CAVIN2: variants seen among roughly 807,000 people sequenced by gnomAD.
CAVIN2 encodes caveolae associated protein 2.
In CAVIN2, 13 loss-of-function variants were observed where a neutral mutation model predicts 11.7. The ratio of observed to expected loss-of-function variants is 1.11; its 90% confidence interval spans 0.72 to 1.77. The LOEUF (loss-of-function observed/expected upper bound fraction) is 1.77, where lower values mean the gene tolerates loss of function less well. CAVIN2 is among the 40% of genes most tolerant of loss of function. CAVIN2 has a pLI of 0.00. For missense variants in CAVIN2, 549 were observed against 542.9 expected (o/e 1.01, Z -0.11); for synonymous variants, 237 against 223.2 (o/e 1.06, Z -0.55).
rs116862387 is a variant in CAVIN2 at position 191,843,604 on chromosome 2, T to C, written c.483+2839A>G. On this transcript the variant is annotated intron_variant, in intron 1 of 1. Coordinates refer to ENST00000304141, the MANE Select transcript of CAVIN2 (RefSeq NM_004657.6). The stretch of plus-strand genomic sequence containing the variant: ...GAAGATTCCTTTGCTTTCATGGAGA[T>C]GAGATATAATGTTGATTTCAACATG... Among the ~76,000 whole-genome samples, 314 of 152,290 alleles carry C rather than the reference T, an allele frequency of 2.1e-3. 5 individuals are homozygous for C. The East Asian group carries it at 0.045, about 22-fold the overall frequency.
At position 191,836,004 on chromosome 2, in the gene CAVIN2, G is replaced by A. The variant is rs756905753; in HGVS notation, c.1197C>T (p.Tyr399=). ...QAQKVRYEGS[Y]ALTSEEAERS... ...GCTCCGCCTCCTCGGATGTTAGCGCGTAGCTACCCTCATAGCGTACCTTCT... is the reference window on the plus strand; with the variant it reads ...GCTCCGCCTCCTCGGATGTTAGCGCATAGCTACCCTCATAGCGTACCTTCT... The change falls in exon 2 of 2, where the codon TAC becomes TAT. Residue 399 remains tyrosine (Y), a synonymous_variant. Coordinates refer to ENST00000304141, the MANE Select transcript of CAVIN2 (RefSeq NM_004657.6). 6 of 1,614,066 alleles carry A rather than the reference G, an allele frequency of 3.7e-6. No homozygotes were observed. The highest frequency in any genetic ancestry group is 1.3e-5 in the African/African-American group (1 of 74,932).
Position 191,846,768 on chromosome 2 carries a change from A to G in CAVIN2, c.158T>C (p.Val53Ala), listed in dbSNP as rs1358636414. Residue 53 changes from valine to alanine, a missense_variant, in exon 1 of 2, where the codon GTG becomes GCG. Val to Ala is a moderately conservative substitution (Grantham distance 64, BLOSUM62 0). Transcript: ENST00000304141. ...TEEAIRDNSQ[V>A]NAVTVLTLLD... ...GAGCGTGAGCACCGTGACTGCGTTC[A>G]CCTGTGAGTTGTCCCGGATGGCCTC... 1 of 1,613,936 alleles carries G rather than the reference A, an allele frequency of 6.2e-7. No homozygotes were observed. Among genetic ancestry groups the G allele is most frequent in the African/African-American group, 1.3e-5 (1 of 74,954 alleles).
intron 1 of CAVIN2, among the ~76,000 whole-genome samples, chr2:191,843,838 A>C (rs1197744904): frequency 6.6e-6 from 1 of 152,140 alleles, no homozygotes; most frequent in African/African-American, 2.4e-5. Flanking sequence ...AACTATTTTA[A>C]ATGTTATTTC....
At position 191,836,579 on chromosome 2, in the gene CAVIN2, AATC is replaced by A; in HGVS notation, c.619_621del (p.Asp207del). ...TCCAGGGCCTCCTCATCGTGGGGCAAATCATCATCTGAGGAGAGGTCCACGGTG... is the reference window on the plus strand; with the variant it reads ...TCCAGGGCCTCCTCATCGTGGGGCAAATCATCTGAGGAGAGGTCCACGGTG... On this transcript the variant is annotated inframe_deletion, in exon 2 of 2. Coordinates refer to ENST00000304141, the MANE Select transcript of CAVIN2 (RefSeq NM_004657.6). The A allele has an allele frequency of 1.2e-6, 2 of 1,614,082 alleles. No homozygotes were observed. The highest frequency in any genetic ancestry group is 2.2e-5 in the South Asian group (2 of 91,068).
At chr2:191,839,452 A>G (rs530898737) in intron 1 of CAVIN2, among the ~76,000 whole-genome samples, 11 of 152,310 alleles carry the variant, frequency 7.2e-5, no homozygotes, top group Admixed American at 5.9e-4. Flanking sequence ...TTCTTTTATC[A>G]TGTATCTTTT....
Position 191,846,547 on chromosome 2 carries a change from C to T in CAVIN2, c.379G>A (p.Ala127Thr), listed in dbSNP as rs749460076. The T allele has an allele frequency of 5.0e-6, 8 of 1,614,256 alleles. No homozygotes were observed. The highest frequency in any genetic ancestry group is 1.1e-5 in the South Asian group (1 of 91,078). ...KSRKVSAHTR[A>T]VKERMDRQCA... is the part of the protein sequence containing the mutation. ...TGCCTATCCATGCGCTCTTTGACCG[C>T]GCGCGTGTGGGCGCTGACCTTGCGG... is the stretch of plus-strand genomic sequence containing the variant. The change falls in exon 1 of 2, where the codon GCG becomes ACG. Residue 127 changes from alanine to threonine, a missense_variant. Physicochemically the swap from Ala to Thr is moderately conservative, Grantham distance 58. Transcript: ENST00000304141.
Position 191,836,530 on chromosome 2 carries a change from T to G in CAVIN2, c.671A>C (p.Glu224Ala). The G allele has an allele frequency of 6.2e-7, 1 of 1,614,176 alleles. No individual in the cohort carries two copies. The highest frequency in any genetic ancestry group is 8.5e-7 in the Non-Finnish European group (1 of 1,180,026). Reference protein sequence around the residue: ...ALEDSAEEKVEESRAEKIKRS... With the variant: ...ALEDSAEEKVAESRAEKIKRS... ...TTTTATTTTCTCTGCCCTACTTTCT[T>G]CCACCTTTTCCTCGGCACTGTCTTC... Residue 224 changes from glutamate (E) to alanine (A), a missense_variant, in exon 2 of 2, where the codon GAA becomes GCA. Coordinates refer to ENST00000304141, the MANE Select transcript of CAVIN2 (RefSeq NM_004657.6).
chr2:191,844,101 A>G (rs539201090), intron 1 of CAVIN2, among the ~76,000 whole-genome samples: 4 of 152,190 alleles, frequency 2.6e-5, no homozygotes, highest in African/African-American at 9.7e-5. Context: ...TATTAATATC[A>G]TCAGTGTATA....
At chr2:191,838,373 C>G (rs1690050234) in intron 1 of CAVIN2, among the ~76,000 whole-genome samples, 1 of 152,154 alleles carries the variant, frequency 6.6e-6, no homozygotes, top group African/African-American at 2.4e-5. Flanking sequence ...AAAATACAAC[C>G]CTGTGTCTCC....
intron 1 of CAVIN2, among the ~76,000 whole-genome samples, chr2:191,842,886 T>A (rs532910194): frequency 2.6e-3 from 400 of 152,304 alleles, no homozygotes; most frequent in Non-Finnish European, 5.0e-3. Context: ...GTTTGGAATT[T>A]AAAAAATGCA....
At chr2:191,837,118 A>G (rs1476551312) in intron 1 of CAVIN2, among the ~76,000 whole-genome samples, 5 of 152,224 alleles carry the variant, frequency 3.3e-5, no homozygotes, top group African/African-American at 7.2e-5. Flanking sequence ...ATCCCACTGC[A>G]GGAGAGCCTG....
intron 1 of CAVIN2, among the ~76,000 whole-genome samples, chr2:191,846,123 T>C (rs1182265016): frequency 6.6e-6 from 1 of 152,184 alleles, no homozygotes; most frequent in Non-Finnish European, 1.5e-5. Context: ...AAGAGACAAA[T>C]GAATTTGACT....
Position 191,836,697 on chromosome 2 carries a change from G to A in CAVIN2, c.504C>T (p.Ala168=). ...LIFQEENEIP[A]SVFVKQPVSG... is the part of the protein sequence containing the mutation. Reference sequence around the variant, plus strand: ...AAACGGGCTGTTTCACAAACACGCTGGCAGGGATCTCATTTTCCTCCTGAA... The same window carrying A: ...AAACGGGCTGTTTCACAAACACGCTAGCAGGGATCTCATTTTCCTCCTGAA... Residue 168 remains alanine (A), a synonymous_variant, in exon 2 of 2, where the codon GCC becomes GCT. Transcript: ENST00000304141. 6.2e-7 allele frequency: 1 copy of A among 1,612,362 alleles called. No homozygotes were observed. Among genetic ancestry groups the A allele is most frequent in the Non-Finnish European group, 8.5e-7 (1 of 1,178,998 alleles).
At chr2:191,837,110 C>T (rs897516994) in intron 1 of CAVIN2, among the ~76,000 whole-genome samples, 2 of 152,210 alleles carry the variant, frequency 1.3e-5, no homozygotes, top group Non-Finnish European at 2.9e-5. Context: ...CTGCCAAAAT[C>T]CCACTGCAGG....
At position 191,836,239 on chromosome 2, in the gene CAVIN2, C is replaced by T; in HGVS notation, c.962G>A (p.Ser321Asn). The T allele has an allele frequency of 6.2e-7, 1 of 1,614,124 alleles. No individual in the cohort carries two copies. The highest frequency in any genetic ancestry group is 8.5e-7 in the Non-Finnish European group (1 of 1,180,046). Residue 321 changes from serine to asparagine, a missense_variant, in exon 2 of 2, where the codon AGT becomes AAT. Transcript: ENST00000304141. ...NETKSEDLPS[S>N]EQMPNDQEEE... is the part of the protein sequence containing the mutation. Reference sequence around the variant, plus strand: ...TTCCTGGTCATTTGGCATCTGCTCACTGCTAGGCAGGTCTTCTGACTTGGT... The same window carrying T: ...TTCCTGGTCATTTGGCATCTGCTCATTGCTAGGCAGGTCTTCTGACTTGGT...
chr2:191,835,782 T>C lies in CAVIN2; in HGVS notation c.*141A>G. On this transcript the variant is annotated 3_prime_UTR_variant, in exon 2 of 2. Coordinates refer to ENST00000304141, the MANE Select transcript of CAVIN2 (RefSeq NM_004657.6). ...TGGTAAAGCCTGGTCTCGTGTGTCTTACTATGACTATATGGTCAATGATTA... is the reference window on the plus strand; with the variant it reads ...TGGTAAAGCCTGGTCTCGTGTGTCTCACTATGACTATATGGTCAATGATTA... 1 of 806,834 alleles carries C rather than the reference T, an allele frequency of 1.2e-6. No individual in the cohort carries two copies. 50.0% of individuals were successfully genotyped at this position (806,834 alleles called of 1,614,324 possible).
At chr2:191,841,229 A>C (rs1690088192) in intron 1 of CAVIN2, among the ~76,000 whole-genome samples, 5 of 152,204 alleles carry the variant, frequency 3.3e-5, no homozygotes, top group Admixed American at 2.6e-4. Context: ...TTTCAGTGTT[A>C]TCAAGGGTTC....
At chr2:191,846,306 A>G (rs1690164198) in intron 1 of CAVIN2, 137 bp downstream of exon 1, 3 of 1,083,580 alleles carry the variant, frequency 2.8e-6, no homozygotes, top group Non-Finnish European at 3.9e-6. Flanking sequence ...CCGCAGGCAG[A>G]CAGGGGACAG....
Position 191,846,699 on chromosome 2 carries a change from T to G in CAVIN2, c.227A>C (p.Gln76Pro). Reference sequence around the variant, plus strand: ...GATCTGTCGCTGCTCCATCTTGTGCTGGTTCTCCTGCACAGCGTCTAGCAT... The same window carrying G: ...GATCTGTCGCTGCTCCATCTTGTGCGGGTTCTCCTGCACAGCGTCTAGCAT... ...VNMLDAVQEN[Q>P]HKMEQRQISL... The change falls in exon 1 of 2, where the codon CAG becomes CCG. Residue 76 changes from glutamine to proline, a missense_variant. Physicochemically the swap from Gln to Pro is moderately conservative, Grantham distance 76. Coordinates refer to ENST00000304141, the MANE Select transcript of CAVIN2 (RefSeq NM_004657.6). 6.2e-7 allele frequency: 1 copy of G among 1,614,208 alleles called. No homozygotes were observed. The highest frequency in any genetic ancestry group is 8.5e-7 in the Non-Finnish European group (1 of 1,180,028).
Sources: allele counts gnomAD v4.1 joint callset (sites outside exome capture counted in the v4.1 genomes callset), GRCh38; gene constraint gnomAD v4.1.1; transcripts MANE v1.5; gene names NCBI Gene and HGNC (gene_info 2026-07-23, HGNC 2026-07-21).